The following GRIK1 variants were observed in gnomAD, a reference collection of about 807,000 sequenced individuals.
The protein encoded by GRIK1 is glutamate receptor ionotropic, kainate 1.
GRIK1 carries 69 observed loss-of-function variants against 105.7 expected under a neutral mutation model. The observed-to-expected ratio is 0.65, with a 90% CI of 0.54 to 0.80. GRIK1 has a LOEUF of 0.80. GRIK1 is among the 30% of genes least tolerant of loss of function. The pLI, the probability that GRIK1 is intolerant of heterozygous loss-of-function variation, is 0.00. For missense variants in GRIK1, 1,109 were observed against 1,167.3 expected, an observed-to-expected ratio of 0.95 and a Z score of 0.73; for synonymous variants, 438 against 431.3, an observed-to-expected ratio of 1.02 and a Z score of -0.19.
At chr21:29,756,257 T>C (rs1427657061) in intron 1 of GRIK1, among the ~76,000 whole-genome samples, 4 of 150,706 alleles carry the variant, frequency 2.7e-5, no homozygotes, top group African/African-American at 9.8e-5. Flanking sequence ...GGCGGGCGCC[T>C]GCAGCCCCAG....
At position 29,700,878 on chromosome 21, in the gene GRIK1, CA is replaced by C. The variant is rs2063799748; in HGVS notation, c.119-6816del. Among the ~76,000 whole-genome samples, 3 of 152,228 alleles carry C rather than the reference CA, an allele frequency of 2.0e-5. No individual in the cohort carries two copies. The South Asian group carries it at 6.2e-4, about 32-fold the overall frequency. On this transcript the variant is annotated intron_variant, in intron 1 of 17. Coordinates refer to ENST00000327783, the MANE Select transcript of GRIK1 (RefSeq NM_001330994.2). ...TTTCATTGTGGCAGAGAATCCATCT[CA>C]TTTAATGATGGAAAAAACAAACAAA... is the stretch of plus-strand genomic sequence containing the variant.
At position 29,537,056 on chromosome 21, in the gene GRIK1, T is replaced by A. The variant is rs1374183592; in HGVS notation, c.*174A>T. On this transcript the variant is annotated 3_prime_UTR_variant, in exon 18 of 18. Transcript: ENST00000327783. ...TTTATTTTAAAAGAACTGGTGTCAC[T>A]TCCCAAGTCATATCTATGTGAGCTT... 5.0e-6 allele frequency: 2 copies of A among 398,932 alleles called. No individual in the cohort carries two copies. The highest frequency in any genetic ancestry group is 8.9e-6 in the Non-Finnish European group (2 of 223,950). 24.7% of individuals were successfully genotyped at this position (398,932 alleles called of 1,614,324 possible). A position where few individuals can be genotyped will look rare whatever the true frequency, so the allele number is the denominator to read the frequency against.
chr21:29,900,394 C>A lies in GRIK1; in HGVS notation c.118+38989G>T, dbSNP rs1472808354. On this transcript the variant is annotated intron_variant, in intron 1 of 17. Coordinates refer to ENST00000327783, the MANE Select transcript of GRIK1 (RefSeq NM_001330994.2). The stretch of plus-strand genomic sequence containing the variant: ...TGCTGTATTCAGGAGACCCATCTCA[C>A]TTGCAAAGACACACATAGGCTTGAA... Among the ~76,000 whole-genome samples the A allele has an allele frequency of 2.0e-5, 3 of 148,628 alleles. No homozygotes were observed. The Admixed American group carries it at 2.0e-4, about 10-fold the overall frequency.
intron 1 of GRIK1, among the ~76,000 whole-genome samples, chr21:29,700,280 T>A (rs2063786942): frequency 6.6e-6 from 1 of 152,110 alleles, no homozygotes; most frequent in East Asian, 1.9e-4. Context: ...GGGGGGATGA[T>A]GGGTGCAATG....
chr21:29,633,282 T>C (rs75237559), intron 7 of GRIK1, among the ~76,000 whole-genome samples: 8,164 of 152,162 alleles, frequency 0.054, 587 homozygotes, highest in East Asian at 0.18. Flanking sequence ...GGGCAGATCA[T>C]GAAGTCAAGA....
intron 1 of GRIK1, among the ~76,000 whole-genome samples, chr21:29,927,124 T>G (rs2146344416): frequency 6.6e-6 from 1 of 152,320 alleles, no homozygotes; most frequent in East Asian, 1.9e-4. Flanking sequence ...CCACCAGCAC[T>G]CACAGACATT....
chr21:29,589,131 T>C (rs1401010680), intron 10 of GRIK1, 89 bp from the exon 11 acceptor site: 2 of 754,072 alleles, frequency 2.7e-6, no homozygotes, highest in Non-Finnish European at 4.5e-6. Context: ...AAATGTTTGA[T>C]AATGATTTTG....
intron 1 of GRIK1, among the ~76,000 whole-genome samples, chr21:29,829,883 A>G (rs2067576898): frequency 6.6e-6 from 1 of 152,192 alleles, no homozygotes; most frequent in African/African-American, 2.4e-5. Flanking sequence ...GTAAGAATAC[A>G]CTTAGGATAA....
chr21:29,553,378 A>C, intron 16 of GRIK1: 1 of 1,252,840 alleles, frequency 8.0e-7, no homozygotes. Flanking sequence ...CTGCTTCAAC[A>C]TACAGTGCAA....
At chr21:29,712,900 A>G (rs1447851968) in intron 1 of GRIK1, among the ~76,000 whole-genome samples, 2 of 148,850 alleles carry the variant, frequency 1.3e-5, no homozygotes, top group African/African-American at 4.9e-5. Context: ...TTACTCCACC[A>G]CTTTTTGGAA....
intron 1 of GRIK1, among the ~76,000 whole-genome samples, chr21:29,862,006 T>A (rs568112453): frequency 6.6e-6 from 1 of 152,246 alleles, no homozygotes; most frequent in African/African-American, 2.4e-5. Flanking sequence ...TTAATTTATG[T>A]TTTTTAGAGA....
At chr21:29,774,002 G>A (rs1400646709) in intron 1 of GRIK1, among the ~76,000 whole-genome samples, 2 of 152,082 alleles carry the variant, frequency 1.3e-5, no homozygotes, top group Non-Finnish European at 2.9e-5. Flanking sequence ...ATATCTCTAT[G>A]CTGGATTTAG....
intron 1 of GRIK1, among the ~76,000 whole-genome samples, chr21:29,789,345 C>A (rs1397821333): frequency 6.6e-6 from 1 of 152,170 alleles, no homozygotes; most frequent in Admixed American, 6.5e-5. Flanking sequence ...TTTGACTTAA[C>A]CAAACTTCAA....
At chr21:29,572,902 C>T (rs933329367) in intron 14 of GRIK1, among the ~76,000 whole-genome samples, 4 of 152,100 alleles carry the variant, frequency 2.6e-5, no homozygotes, top group African/African-American at 9.7e-5. Flanking sequence ...TCCCGAGTAG[C>T]TGGGATTACA....
chr21:29,806,729 T>C (rs2066873806), intron 1 of GRIK1, among the ~76,000 whole-genome samples: 1 of 152,106 alleles, frequency 6.6e-6, no homozygotes, highest in Non-Finnish European at 1.5e-5. Flanking sequence ...ACTGAAGATA[T>C]GTAACAATAA....
At chr21:29,844,479 G>A (rs1241169362) in intron 1 of GRIK1, among the ~76,000 whole-genome samples, 1 of 152,178 alleles carries the variant, frequency 6.6e-6, no homozygotes, top group African/African-American at 2.4e-5. Context: ...ATGAATTAAG[G>A]AAAGAGATGC....
chr21:29,708,058 G>A lies in GRIK1; in HGVS notation c.119-13995C>T, dbSNP rs147542732. 2.6e-3 allele frequency among the ~76,000 whole-genome samples: 400 copies of A among 152,272 alleles called. 1 individual carries two copies. Among genetic ancestry groups the A allele is most frequent in the African/African-American group, 9.3e-3 (386 of 41,536 alleles). On this transcript the variant is annotated intron_variant, in intron 1 of 17. Transcript: ENST00000327783. ...ACAGTTTAGGCTTTTATTATGTAAT[G>A]CTACAGGGACCTGCAGAAGTGAAGG...
chr21:29,587,363 T>TA lies in GRIK1; in HGVS notation c.1793+2dup. 6.3e-7 allele frequency: 1 copy of TA among 1,580,702 alleles called. No homozygotes were observed. The highest frequency in any genetic ancestry group is 8.7e-7 in the Non-Finnish European group (1 of 1,149,562). On this transcript the variant is annotated splice_region_variant and intron_variant, in intron 12 of 17. Coordinates refer to ENST00000327783, the MANE Select transcript of GRIK1 (RefSeq NM_001330994.2). ...TTGTGAATTCAGTGATTCTCAAACT[T>TA]ACCTTGCAATCACAAAGAGTACACA... is the stretch of plus-strand genomic sequence containing the variant.
rs2063452087 is a variant in GRIK1 at position 29,684,591 on chromosome 21, T to G, written c.544+5137A>C. The stretch of plus-strand genomic sequence containing the variant: ...GGTGCGATCTTGGCGCACTGCAAGC[T>G]CCGCCTCCTGGGTTCATGCCATTCT... On this transcript the variant is annotated intron_variant, in intron 3 of 17. Transcript: ENST00000327783. Among the ~76,000 whole-genome samples the G allele has an allele frequency of 2.6e-5, 4 of 152,246 alleles. 1 individual carries two copies. The South Asian group carries it at 8.3e-4, about 32-fold the overall frequency.
Sources: gnomAD v4.1 joint callset for allele counts (sites outside exome capture counted in the v4.1 genomes callset) on GRCh38, gnomAD v4.1.1 for gene constraint, MANE v1.5 for transcripts, NCBI Gene and HGNC (gene_info 2026-07-23, HGNC 2026-07-21) for gene names.